The following SEC62 variants were observed in gnomAD, a reference collection of about 807,000 sequenced individuals.
The protein encoded by SEC62 is translocation protein SEC62.
SEC62 carries 10 observed loss-of-function variants against 47.5 expected under a neutral mutation model. That is an observed-to-expected ratio of 0.21 (90% confidence interval 0.13 to 0.36). The LOEUF (loss-of-function observed/expected upper bound fraction) is 0.36, where lower values mean the gene tolerates loss of function less well. Among genes scored for constraint, SEC62 ranks in the 10% least tolerant of loss-of-function variants. SEC62 has a pLI of 1.00. For synonymous variants in SEC62, 136 were observed against 150.5 expected (o/e 0.90, Z 0.71); for missense variants, 327 against 464.1 (o/e 0.70, Z 2.71).
At chr3:169,971,288 T>C (rs960389336) in intron 1 of SEC62, among the ~76,000 whole-genome samples, 1 of 152,020 alleles carries the variant, frequency 6.6e-6, no homozygotes, top group South Asian at 2.1e-4. Context: ...TTACCTAGGC[T>C]GGTCTTAAAC....
chr3:169,990,584 A>C (rs1715227859), intron 7 of SEC62, among the ~76,000 whole-genome samples: 1 of 152,180 alleles, frequency 6.6e-6, no homozygotes, highest in African/African-American at 2.4e-5. Context: ...TTGGTTTGAT[A>C]CAAGATTTCA....
At position 169,982,865 on chromosome 3, in the gene SEC62, A is replaced by G. The variant is rs1715015070; in HGVS notation, c.410A>G (p.Lys137Arg). 6.4e-7 allele frequency: 1 copy of G among 1,565,044 alleles called. No individual in the cohort carries two copies. ...AATATAAAGGATGAGAAGACAAAAA[A>G]AGAAAAAGAGAAAAAAAAAGATGGT... ...KENIKDEKTK[K>R]EKEKKKDGEK... Residue 137 changes from lysine to arginine, a missense_variant, in exon 4 of 8, where the codon AAA becomes AGA. Physicochemically the swap from Lys to Arg is conservative, Grantham distance 26. Coordinates refer to ENST00000337002, the MANE Select transcript of SEC62 (RefSeq NM_003262.4).
At chr3:169,986,113 A>T (rs1330992615) in intron 6 of SEC62, among the ~76,000 whole-genome samples, 1 of 152,206 alleles carries the variant, frequency 6.6e-6, no homozygotes, top group Non-Finnish European at 1.5e-5. Flanking sequence ...AAATACAATG[A>T]CCAATCATCA....
chr3:169,992,817 G>C lies in SEC62; in HGVS notation c.954G>C (p.Lys318Asn). The C allele has an allele frequency of 6.2e-7, 1 of 1,614,046 alleles. No individual in the cohort carries two copies. The highest frequency in any genetic ancestry group is 1.1e-5 in the South Asian group (1 of 91,078). Residue 318 changes from lysine to asparagine, a missense_variant, in exon 8 of 8, where the codon AAG becomes AAC. Around this residue, in one of 3 missense-constraint regions of SEC62, gnomAD observed 102 missense variants for 108.8 expected, o/e 0.94. Coordinates refer to ENST00000337002, the MANE Select transcript of SEC62 (RefSeq NM_003262.4). The surrounding 1 kb of genome is among the most constrained non-coding windows in gnomAD (Gnocchi z 4.0). ...DSEEKSDSEK[K>N]EDEEGKVGPG... Reference sequence around the variant, plus strand: ...AGGAAAAGTCAGACAGTGAGAAAAAGGAAGATGAGGAGGGGAAAGTAGGAC... The same window carrying C: ...AGGAAAAGTCAGACAGTGAGAAAAACGAAGATGAGGAGGGGAAAGTAGGAC...
chr3:169,972,194 G>T (rs1193231683), intron 1 of SEC62, among the ~76,000 whole-genome samples: 1 of 152,082 alleles, frequency 6.6e-6, no homozygotes, highest in African/African-American at 2.4e-5. Flanking sequence ...ACTACTAGTG[G>T]TCTTTCTGCT....
chr3:169,985,899 A>G (rs771504494), intron 6 of SEC62, 34 bp downstream of exon 6: 65 of 1,484,966 alleles, frequency 4.4e-5, no homozygotes, highest in Non-Finnish European at 6.0e-5. Context: ...TATAAAGTGC[A>G]ATCTAAAATT....
In SEC62 at chr3:169,975,621, C is replaced by T; in HGVS notation, c.50C>T (p.Pro17Leu). 1.2e-6 allele frequency: 2 copies of T among 1,611,404 alleles called. No individual in the cohort carries two copies. Among genetic ancestry groups the T allele is most frequent in the Non-Finnish European group, 1.7e-6 (2 of 1,177,852 alleles). Residue 17 changes from proline (P) to leucine (L), a missense_variant, in exon 2 of 8, where the codon CCA (proline) becomes CTA (leucine). Around this residue, in one of 3 missense-constraint regions of SEC62, gnomAD observed 126 missense variants for 161.2 expected, o/e 0.78. Coordinates refer to ENST00000337002, the MANE Select transcript of SEC62 (RefSeq NM_003262.4). ...CATATGTTGCAGGAAGTTGGTGAAC[C>T]ATCTAAAGAAGAGAAGGCTGTGGCC... The part of the protein sequence containing the change: ...HKKRIQEVGE[P>L]SKEEKAVAKY...
At chr3:169,989,554 A>T (rs954333814) in intron 7 of SEC62, among the ~76,000 whole-genome samples, 1 of 151,938 alleles carries the variant, frequency 6.6e-6, no homozygotes, top group African/African-American at 2.4e-5. Context: ...GACATTAGAC[A>T]TAATAAAATT....
chr3:169,992,567 C>A lies in SEC62; in HGVS notation c.731-27C>A. On this transcript the variant is annotated intron_variant, in intron 7 of 7. Transcript: ENST00000337002. This position sits in a 1 kb window ranked among gnomAD's most constrained non-coding sequence, Gnocchi z 4.0. ...CTTCTGAGGCAGTGTTTGAATTACT[C>A]AATTAGAGAAATTTTTCTCCCCACA... The A allele has an allele frequency of 6.5e-7, 1 of 1,531,950 alleles. No homozygotes were observed. Among genetic ancestry groups the A allele is most frequent in the South Asian group, 1.2e-5 (1 of 85,364 alleles). 94.9% of individuals were successfully genotyped at this position (1,531,950 alleles called of 1,614,324 possible).
chr3:169,975,860 T>G, intron 2 of SEC62, 144 bp downstream of exon 2: 1 of 505,304 alleles, frequency 2.0e-6, no homozygotes, highest in Non-Finnish European at 3.6e-6. Context: ...TCTGTTCTTT[T>G]CTTTTATGAT....
rs1715013198 is a variant in SEC62 at position 169,982,838 on chromosome 3, A to G, written c.383A>G (p.Glu128Gly). The part of the protein sequence containing the change: ...GKEEDKKSKK[E>G]NIKDEKTKKE... ...GAAGAAGATAAAAAGAGCAAGAAAG[A>G]AAATATAAAGGATGAGAAGACAAAA... The change falls in exon 4 of 8, where the codon GAA becomes GGA. Residue 128 changes from glutamate (E) to glycine (G), a missense_variant. Physicochemically the swap from Glu to Gly is moderately conservative, Grantham distance 98. Transcript: ENST00000337002. The G allele has an allele frequency of 6.3e-7, 1 of 1,589,698 alleles. No homozygotes were observed. Among genetic ancestry groups the G allele is most frequent in the African/African-American group, 1.4e-5 (1 of 73,452 alleles).
rs1157331847 is a variant in SEC62 at position 169,982,537 on chromosome 3, T to C, written c.252-170T>C. ...CTTTTATATAATTGACTGTAAAGTGTTTTGATTTAGTGGTAGAGTTGACTA... is the reference window on the plus strand; with the variant it reads ...CTTTTATATAATTGACTGTAAAGTGCTTTGATTTAGTGGTAGAGTTGACTA... On this transcript the variant is annotated intron_variant, in intron 3 of 7. Transcript: ENST00000337002. 1.3e-5 allele frequency: 9 copies of C among 708,236 alleles called. No individual in the cohort carries two copies. In the East Asian group the frequency reaches 2.1e-4, roughly 17 times the overall value. The allele number at this position is 708,236 out of a possible 1,614,324, so 43.9% of individuals were successfully genotyped here. A position where few individuals can be genotyped will look rare whatever the true frequency, so the allele number is the denominator to read the frequency against.
At chr3:169,984,088 C>G (rs1361510529) in intron 5 of SEC62, 1 of 152,172 alleles carries the variant, frequency 6.6e-6, no homozygotes, top group Non-Finnish European at 1.5e-5. Context: ...TTGTGAATTT[C>G]AGGATATATC....
chr3:169,989,653 A>C (rs917332326), intron 7 of SEC62, among the ~76,000 whole-genome samples: 11 of 152,064 alleles, frequency 7.2e-5, no homozygotes, highest in Admixed American at 2.0e-4. Flanking sequence ...GAATTATTCT[A>C]CTTGCTTATT....
In SEC62 at chr3:169,966,822, C is replaced by T; in HGVS notation, c.-1C>T. 1.9e-6 allele frequency: 3 copies of T among 1,554,228 alleles called. No homozygotes were observed. The highest frequency in any genetic ancestry group is 2.6e-6 in the Non-Finnish European group (3 of 1,148,530). ...AGAGGGAACCGGGCGGAGCGGCCAA[C>T]ATGGCGGAACGCAGGAGACACAAGA... On this transcript the variant is annotated 5_prime_UTR_variant, in exon 1 of 8. Transcript: ENST00000337002.
intron 3 of SEC62, among the ~76,000 whole-genome samples, chr3:169,979,945 A>G (rs1232528829): frequency 6.6e-6 from 1 of 152,152 alleles, no homozygotes; most frequent in Non-Finnish European, 1.5e-5. Context: ...GAAGTCCCCA[A>G]CATGTCTGGC....
intron 3 of SEC62, among the ~76,000 whole-genome samples, chr3:169,982,400 A>G (rs1037457677): frequency 6.6e-5 from 10 of 152,210 alleles, no homozygotes; most frequent in African/African-American, 2.2e-4. Context: ...TCTTGATTAT[A>G]TGAACCCAGA....
intron 1 of SEC62, among the ~76,000 whole-genome samples, chr3:169,967,312 C>CTAAAGCA (rs112929789): frequency 9.8e-5 from 15 of 152,298 alleles, no homozygotes; most frequent in African/African-American, 3.6e-4. Flanking sequence ...GCGGACTGAC[C>CTAAAGCA]TAAAGCAGCT....
intron 5 of SEC62, chr3:169,983,463 A>G (rs2108285213): frequency 2.7e-6 from 1 of 372,574 alleles, no homozygotes; most frequent in Middle Eastern, 7.6e-4. Flanking sequence ...AACCTGAAAT[A>G]AAAGCATCTT....
Sources: allele counts gnomAD v4.1 joint callset (sites outside exome capture counted in the v4.1 genomes callset), GRCh38; gene constraint gnomAD v4.1.1; regional missense constraint gnomAD v4.1.1; non-coding constraint Gnocchi (gnomAD v3.1); transcripts MANE v1.5; gene names NCBI Gene and HGNC (gene_info 2026-07-23, HGNC 2026-07-21).